CDKL2: variants seen among roughly 807,000 people sequenced by gnomAD.
CDKL2 encodes the protein cyclin dependent kinase like 2.
A neutral mutation model predicts 63.9 loss-of-function variants in CDKL2; 64 were observed. The ratio of observed to expected loss-of-function variants is 1.00; its 90% CI spans 0.82 to 1.23. CDKL2 has a LOEUF of 1.23. Ranked by LOEUF, CDKL2 falls within the 50% of genes most tolerant of loss-of-function variation. CDKL2 has a pLI of 0.00. For missense variants in CDKL2, 656 were observed against 668.0 expected (o/e 0.98, Z 0.20); for synonymous variants, 211 against 229.2 (o/e 0.92, Z 0.72).
intron 9 of CDKL2, among the ~76,000 whole-genome samples, chr4:75,596,709 C>A (rs538470562): frequency 6.6e-6 from 1 of 152,170 alleles, no homozygotes; most frequent in African/African-American, 2.4e-5. Context: ...ATTCTCTTCA[C>A]CTTAAGCAAT....
chr4:75,597,463 G>GACACACAC (rs143715044), intron 8 of CDKL2, among the ~76,000 whole-genome samples: 7 of 150,708 alleles, frequency 4.6e-5, no homozygotes, highest in Non-Finnish European at 1.5e-5. Flanking sequence ...AGCTCACTCA[G>GACACACAC]ACACACACAC....
intron 2 of CDKL2, among the ~76,000 whole-genome samples, chr4:75,615,489 C>T (rs1196431847): frequency 6.6e-6 from 1 of 152,088 alleles, no homozygotes; most frequent in Admixed American, 6.6e-5. Context: ...TCAAGAAAAT[C>T]CAAGTATGAT....
chr4:75,603,373 A>G (rs1729283693), intron 6 of CDKL2, among the ~76,000 whole-genome samples: 1 of 151,918 alleles, frequency 6.6e-6, no homozygotes, highest in African/African-American at 2.4e-5. Context: ...ACCCCCATCA[A>G]ATTATTTAAA....
In CDKL2 at chr4:75,577,886, T is replaced by A. The variant is rs1223003100; in HGVS notation, c.*1316A>T. 1 of 152,300 alleles carries A rather than the reference T, an allele frequency of 6.6e-6. No individual in the cohort carries two copies. Among genetic ancestry groups the A allele is most frequent in the Non-Finnish European group, 1.5e-5 (1 of 68,012 alleles). 9.4% of individuals were successfully genotyped at this position (152,300 alleles called of 1,614,324 possible). ...GGCTTAAATATCCAAGGTCAGAATTTCAGTATTAAGCTCCTCAGAGTAATA... is the reference window on the plus strand; with the variant it reads ...GGCTTAAATATCCAAGGTCAGAATTACAGTATTAAGCTCCTCAGAGTAATA... On this transcript the variant is annotated 3_prime_UTR_variant, in exon 14 of 14. Coordinates refer to ENST00000307465, the MANE Select transcript of CDKL2 (RefSeq NM_001330724.2).
intron 1 of CDKL2, among the ~76,000 whole-genome samples, chr4:75,628,695 T>C (rs1240777206): frequency 6.6e-6 from 1 of 152,228 alleles, no homozygotes; most frequent in Non-Finnish European, 1.5e-5. Flanking sequence ...ATCTAAAATT[T>C]ACTCAGATCG....
intron 9 of CDKL2, among the ~76,000 whole-genome samples, chr4:75,596,602 A>G (rs1373358832): frequency 1.3e-5 from 2 of 152,166 alleles, no homozygotes; most frequent in Non-Finnish European, 2.9e-5. Flanking sequence ...TTATACTACT[A>G]TAGGCTCACA....
chr4:75,600,352 G>T lies in CDKL2; in HGVS notation c.813C>A (p.Asp271Glu). The change falls in exon 7 of 14, where the codon GAC becomes GAA. Residue 271 changes from aspartate (D) to glutamate (E), a missense_variant. Transcript: ENST00000307465. ...IDLAKKCLHIDPDKRPFCAEL... is the reference protein window; with the variant it reads ...IDLAKKCLHIEPDKRPFCAEL... Reference sequence around the variant, plus strand: ...CAGCACAGAAGGGTCTTTTGTCGGGGTCAATATGTAAGCATTTCTGAAAAA... The same window carrying T: ...CAGCACAGAAGGGTCTTTTGTCGGGTTCAATATGTAAGCATTTCTGAAAAA... 1.2e-6 allele frequency: 2 copies of T among 1,611,006 alleles called. No homozygotes were observed. The highest frequency in any genetic ancestry group is 1.7e-6 in the Non-Finnish European group (2 of 1,177,742).
chr4:75,598,348 T>C, intron 7 of CDKL2, 136 bp from the exon 8 acceptor site: 1 of 467,602 alleles, frequency 2.1e-6, no homozygotes, highest in Non-Finnish European at 3.6e-6. Context: ...AATCCTGGCC[T>C]AGATCAGCAG....
intron 12 of CDKL2, among the ~76,000 whole-genome samples, chr4:75,589,884 A>C (rs920695864): frequency 6.6e-6 from 1 of 151,298 alleles, no homozygotes; most frequent in African/African-American, 2.4e-5. Flanking sequence ...TGGGAGACTG[A>C]GGTAGAAAGA....
chr4:75,598,191 T>TA lies in CDKL2; in HGVS notation c.905dup (p.Leu302PhefsTer14). 1 of 1,489,630 alleles carries TA rather than the reference T, an allele frequency of 6.7e-7. No homozygotes were observed. Among genetic ancestry groups the TA allele is most frequent in the Non-Finnish European group, 9.1e-7 (1 of 1,093,620 alleles). 92.3% of individuals were successfully genotyped at this position (1,489,630 alleles called of 1,614,324 possible). ...CATTTCTGGCATCTTTCTGTACTTT[T>TA]AACTGTAGTTCTTGGGAAAACCTAC... is the stretch of plus-strand genomic sequence containing the variant. On this transcript the variant is annotated frameshift_variant, in exon 8 of 14. Transcript: ENST00000307465. LOFTEE classifies it high-confidence loss of function.
chr4:75,588,440 G>T (rs2148863755), intron 12 of CDKL2, among the ~76,000 whole-genome samples: 1 of 152,164 alleles, frequency 6.6e-6, no homozygotes, highest in East Asian at 1.9e-4. Context: ...GGAAATCATA[G>T]TAGCAGTAAT....
At chr4:75,599,720 T>C (rs1478620812) in intron 7 of CDKL2, among the ~76,000 whole-genome samples, 2 of 152,078 alleles carry the variant, frequency 1.3e-5, no homozygotes. Context: ...CAAAAGCAAA[T>C]AGGAAAACCT....
At chr4:75,622,773 T>C (rs1289032562) in intron 2 of CDKL2, among the ~76,000 whole-genome samples, 1 of 134,282 alleles carries the variant, frequency 7.4e-6, no homozygotes, top group Non-Finnish European at 1.6e-5. Flanking sequence ...AACAAAAGGA[T>C]TATACAATGT....
At chr4:75,611,426 T>A (rs1436380179) in intron 3 of CDKL2, among the ~76,000 whole-genome samples, 4 of 134,794 alleles carry the variant, frequency 3.0e-5, no homozygotes, top group Non-Finnish European at 6.1e-5. Context: ...GCCACTGCAC[T>A]CTAGCATGGG....
chr4:75,608,124 T>C (rs1419130290), intron 3 of CDKL2, among the ~76,000 whole-genome samples: 2 of 135,606 alleles, frequency 1.5e-5, no homozygotes, highest in Non-Finnish European at 3.2e-5. Flanking sequence ...CCAAAAACCT[T>C]TTTTTTTTTT....
intron 1 of CDKL2, among the ~76,000 whole-genome samples, chr4:75,628,334 A>C (rs893168162): frequency 1.3e-5 from 2 of 151,992 alleles, no homozygotes; most frequent in Non-Finnish European, 2.9e-5. Context: ...CCAGGATTGT[A>C]TCGATCTCCT....
chr4:75,622,988 A>G (rs1730233566), intron 2 of CDKL2, among the ~76,000 whole-genome samples: 1 of 152,140 alleles, frequency 6.6e-6, no homozygotes, highest in Non-Finnish European at 1.5e-5. Flanking sequence ...AAAAACTTAC[A>G]AACTAGGCCA....
intron 12 of CDKL2, among the ~76,000 whole-genome samples, chr4:75,590,532 T>C (rs1159004879): frequency 6.6e-6 from 1 of 152,066 alleles, no homozygotes; most frequent in Non-Finnish European, 1.5e-5. Context: ...CTGGCCAACA[T>C]GGTGAAACCC....
chr4:75,594,716 T>C (rs1039706909), intron 10 of CDKL2, among the ~76,000 whole-genome samples: 11 of 152,054 alleles, frequency 7.2e-5, no homozygotes, highest in African/African-American at 2.4e-4. Context: ...AGCAAATCCA[T>C]TGGGTTATCT....
Sources: gnomAD v4.1 joint callset for allele counts (sites outside exome capture counted in the v4.1 genomes callset) on GRCh38, gnomAD v4.1.1 for gene constraint, MANE v1.5 for transcripts, NCBI Gene and HGNC (gene_info 2026-07-23, HGNC 2026-07-21) for gene names.